KL: variants seen among roughly 807,000 people sequenced by gnomAD.
The protein encoded by KL is alpha-klotho.
A neutral mutation model predicts 84.2 loss-of-function variants in KL; 62 were observed. That is an observed-to-expected ratio of 0.74 (90% CI 0.60 to 0.91). The LOEUF is 0.91. Ranked by LOEUF, KL falls within the 40% of genes least tolerant of loss-of-function variation. The pLI, the probability that KL is intolerant of heterozygous loss-of-function variation, is 0.00. For synonymous variants in KL, 528 were observed against 528.0 expected, an observed-to-expected ratio of 1.00 and a Z score of 0.00; for missense variants, 1,261 against 1,305.7, an observed-to-expected ratio of 0.97 and a Z score of 0.53.
At chr13:33,024,743 G>A (rs878936055) in intron 1 of KL, among the ~76,000 whole-genome samples, 3 of 151,978 alleles carry the variant, frequency 2.0e-5, no homozygotes, top group Non-Finnish European at 2.9e-5. Flanking sequence ...TCCTCTCTTC[G>A]GTGTCCCAAG....
rs148759524 is a variant in KL, at chr13:33,051,112, G to T, written c.820-2655G>T. 7.2e-4 allele frequency among the ~76,000 whole-genome samples: 109 copies of T among 152,304 alleles called. 2 individuals are homozygous for T. In the East Asian group the frequency reaches 0.02, roughly 29 times the overall value. ...GAGAGAGAAGGGATACGCATTCATG[G>T]AGATCCTACTGTTGCAAACTCTGCA... On this transcript the variant is annotated intron_variant, in intron 1 of 4. Coordinates refer to ENST00000380099, the MANE Select transcript of KL (RefSeq NM_004795.4).
rs192677444 is a variant in KL, at chr13:33,054,029, A to G, written c.1082A>G (p.Lys361Arg). 2 of 1,612,966 alleles carry G rather than the reference A, an allele frequency of 1.2e-6. No homozygotes were observed. Among genetic ancestry groups the G allele is most frequent in the African/African-American group, 1.3e-5 (1 of 74,962 alleles). The change falls in exon 2 of 5, where the codon AAA becomes AGA. Residue 361 changes from lysine (K) to arginine (R), a missense_variant. Physicochemically the swap from Lys to Arg is conservative, Grantham distance 26. Transcript: ENST00000380099. ...DFTESEKKFI[K>R]GTADFFALCF... The stretch of plus-strand genomic sequence containing the variant: ...ACTGAATCTGAGAAAAAGTTCATCA[A>G]AGGAACTGCTGACTTTTTTGCTCTT...
intron 1 of KL, among the ~76,000 whole-genome samples, chr13:33,029,899 C>T (rs1870912785): frequency 6.6e-6 from 1 of 151,474 alleles, no homozygotes; most frequent in African/African-American, 2.4e-5. Flanking sequence ...TCCCAAAGTG[C>T]TGGGATTACA....
chr13:33,049,143 TA>T (rs1871649811), intron 1 of KL, among the ~76,000 whole-genome samples: 1 of 152,224 alleles, frequency 6.6e-6, no homozygotes. Context: ...GCCTGCCATA[TA>T]AAATTCCTTC....
chr13:33,023,307 C>T (rs997771629), intron 1 of KL, among the ~76,000 whole-genome samples: 2 of 152,102 alleles, frequency 1.3e-5, no homozygotes, highest in Non-Finnish European at 1.5e-5. Flanking sequence ...TATATGTCAA[C>T]GTGTTTTGAA....
intron 1 of KL, among the ~76,000 whole-genome samples, chr13:33,035,812 T>G (rs906665574): frequency 2.6e-5 from 4 of 152,212 alleles, no homozygotes; most frequent in African/African-American, 9.6e-5. Flanking sequence ...CGCAGCATGA[T>G]TTAGTATTGA....
intron 1 of KL, among the ~76,000 whole-genome samples, chr13:33,019,728 T>A (rs1452869241): frequency 1.8e-4 from 20 of 111,118 alleles, no homozygotes; most frequent in African/African-American, 6.3e-4. Flanking sequence ...TGTGTGTGTG[T>A]GTGTGAGAGA....
rs544779523 is a variant in KL at position 33,017,455 on chromosome 13, C to T, written c.819+196C>T. On this transcript the variant is annotated intron_variant, in intron 1 of 4. Transcript: ENST00000380099. ...ATTAGGAGAGAAATCCCTTAGTGGG[C>T]ACACGAGTGAGTGCCCCTTGGAGTC... is the stretch of plus-strand genomic sequence containing the variant. 5.3e-5 allele frequency among the ~76,000 whole-genome samples: 8 copies of T among 152,322 alleles called. No homozygotes were observed. In the South Asian group the frequency reaches 1.7e-3, roughly 32 times the overall value.
At chr13:33,055,459 T>G (rs1238599602) in intron 3 of KL, 144 bp downstream of exon 3, 9 of 932,516 alleles carry the variant, frequency 9.7e-6, no homozygotes, top group African/African-American at 1.6e-5. Flanking sequence ...AAGGGCACAA[T>G]TTGGAATGCT....
chr13:33,065,036 T>C lies in KL; in HGVS notation c.*850T>C, dbSNP rs1872357803. 4.4e-6 allele frequency: 1 copy of C among 228,950 alleles called. No individual in the cohort carries two copies. The highest frequency in any genetic ancestry group is 8.7e-6 in the Non-Finnish European group (1 of 115,424). The allele number at this position is 228,950 out of a possible 1,614,324, so 14.2% of individuals were successfully genotyped here. A position where few individuals can be genotyped will look rare whatever the true frequency, so the allele number is the denominator to read the frequency against. On this transcript the variant is annotated 3_prime_UTR_variant, in exon 5 of 5. Coordinates refer to ENST00000380099, the MANE Select transcript of KL (RefSeq NM_004795.4). ...GGAGGAAAGGAGGAAAAAGTGCTTA[T>C]TATGTGCAACATTATGATTAATCTG...
intron 4 of KL, 82 bp downstream of exon 4, chr13:33,061,862 A>T: frequency 7.3e-7 from 1 of 1,375,104 alleles, no homozygotes. Flanking sequence ...CAACATCAAC[A>T]CACACTGCCA....
At chr13:33,042,746 A>G (rs1390650981) in intron 1 of KL, among the ~76,000 whole-genome samples, 3 of 152,080 alleles carry the variant, frequency 2.0e-5, no homozygotes, top group African/African-American at 7.2e-5. Flanking sequence ...AGTGGCAGCG[A>G]TCTCAGCTCA....
chr13:33,017,947 T>C (rs752954916), intron 1 of KL, among the ~76,000 whole-genome samples: 1 of 152,242 alleles, frequency 6.6e-6, no homozygotes, highest in Non-Finnish European at 1.5e-5. Context: ...TCCACAGTGC[T>C]CTCTACAGTT....
chr13:33,051,115 A>T (rs1028858301), intron 1 of KL, among the ~76,000 whole-genome samples: 3 of 152,142 alleles, frequency 2.0e-5, no homozygotes, highest in Non-Finnish European at 4.4e-5. Context: ...ATTCATGGAG[A>T]TCCTACTGTT....
chr13:33,020,724 C>T (rs980407183), intron 1 of KL, among the ~76,000 whole-genome samples: 2 of 152,184 alleles, frequency 1.3e-5, no homozygotes, highest in East Asian at 1.9e-4. Flanking sequence ...CACTTCTCCC[C>T]TTATCTATGA....
rs1566510095 is a variant in KL at position 33,061,494 on chromosome 13, T to C, written c.2415T>C (p.Ala805=). 6.2e-7 allele frequency: 1 copy of C among 1,614,214 alleles called. No homozygotes were observed. Among genetic ancestry groups the C allele is most frequent in the Non-Finnish European group, 8.5e-7 (1 of 1,180,034 alleles). ...TCCAGGGTACCTTTGACTTTTTGGCTTTAAGCCATTATACCACCATCCTTG... is the reference window on the plus strand; with the variant it reads ...TCCAGGGTACCTTTGACTTTTTGGCCTTAAGCCATTATACCACCATCCTTG... ...KLIQGTFDFL[A]LSHYTTILVD... The change falls in exon 4 of 5, where the codon GCT becomes GCC. Residue 805 remains alanine (A), a synonymous_variant. Transcript: ENST00000380099.
intron 1 of KL, among the ~76,000 whole-genome samples, chr13:33,026,344 A>G (rs968184485): frequency 2.0e-5 from 3 of 152,220 alleles, no homozygotes; most frequent in African/African-American, 7.2e-5. Flanking sequence ...ATTTCACAGC[A>G]ATAGGTAACT....
At chr13:33,038,337 C>T (rs973657004) in intron 1 of KL, among the ~76,000 whole-genome samples, 1 of 152,196 alleles carries the variant, frequency 6.6e-6, no homozygotes, top group Non-Finnish European at 1.5e-5. Context: ...TTCCTTTAAT[C>T]ATAGTTTCCA....
intron 1 of KL, among the ~76,000 whole-genome samples, chr13:33,026,603 A>C (rs1239312198): frequency 6.6e-6 from 1 of 152,168 alleles, no homozygotes; most frequent in African/African-American, 2.4e-5. Flanking sequence ...AACCATCTTT[A>C]TAACTCCCTG....
Sources: gnomAD v4.1 joint callset for allele counts (sites outside exome capture counted in the v4.1 genomes callset) on GRCh38, gnomAD v4.1.1 for gene constraint, MANE v1.5 for transcripts, NCBI Gene and HGNC (gene_info 2026-07-23, HGNC 2026-07-21) for gene names.